Variants in AFG2A observed in about 807,000 individuals in gnomAD.
AFG2A encodes ATPase family gene 2 protein homolog A.
At chr4:123,299,357 A>G in the AFG2A span, among the ~76,000 whole-genome samples, 2 of 152,200 alleles carry the variant, frequency 1.3e-5, no homozygotes, top group East Asian at 1.9e-4. Flanking sequence ...CCAGCATGCT[A>G]AAATGGAGAT....
At chr4:123,013,291 AGATGTATATATAG>A in the AFG2A span, among the ~76,000 whole-genome samples, 2 of 152,168 alleles carry the variant, frequency 1.3e-5, no homozygotes, top group African/African-American at 4.8e-5. Flanking sequence ...CAGGCCATCT[AGATGTATATATAG>A]GTGCAGGTCA....
chr4:123,099,837 TG>T, the AFG2A span, among the ~76,000 whole-genome samples: 1 of 151,852 alleles, frequency 6.6e-6, no homozygotes, highest in Non-Finnish European at 1.5e-5. Context: ...AAAGTTCCAT[TG>T]GTTATTAGCT....
chr4:122,982,187 T>G, the AFG2A span, among the ~76,000 whole-genome samples: 1 of 152,284 alleles, frequency 6.6e-6, no homozygotes, highest in Non-Finnish European at 1.5e-5. Context: ...TCTAATGTAT[T>G]GAGAGTTTTT....
the AFG2A span, among the ~76,000 whole-genome samples, chr4:123,163,563 T>C: frequency 1.1e-4 from 17 of 152,338 alleles, no homozygotes; most frequent in East Asian, 3.1e-3. Flanking sequence ...AACCTCAGTG[T>C]TAATTTCATT....
the AFG2A span, among the ~76,000 whole-genome samples, chr4:123,244,594 A>T: frequency 6.6e-6 from 1 of 152,258 alleles, no homozygotes; most frequent in Non-Finnish European, 1.5e-5. Context: ...TTTAAGAATG[A>T]TGGAGAGGGA....
At chr4:123,269,062 C>T in the AFG2A span, among the ~76,000 whole-genome samples, 1 of 152,148 alleles carries the variant, frequency 6.6e-6, no homozygotes, top group Non-Finnish European at 1.5e-5. Context: ...TTCTTTTCAC[C>T]TCTTTATTCC....
the AFG2A span, among the ~76,000 whole-genome samples, chr4:123,219,523 A>G: frequency 6.6e-6 from 1 of 152,308 alleles, no homozygotes. Flanking sequence ...CATTCCCCAT[A>G]TTAGTACTTA....
At chr4:122,945,277 G>T in the AFG2A span, among the ~76,000 whole-genome samples, 36 of 152,240 alleles carry the variant, frequency 2.4e-4, no homozygotes, top group Non-Finnish European at 1.5e-5. Flanking sequence ...TCCTTGAGCT[G>T]TGGTGGGCTC....
chr4:123,098,006 C>T, the AFG2A span, among the ~76,000 whole-genome samples: 3 of 152,044 alleles, frequency 2.0e-5, no homozygotes, highest in Non-Finnish European at 2.9e-5. Context: ...TATTAGAACA[C>T]ATCCACACTA....
the AFG2A span, among the ~76,000 whole-genome samples, chr4:122,924,044 T>A: frequency 6.6e-6 from 1 of 152,344 alleles, no homozygotes; most frequent in Non-Finnish European, 1.5e-5. Context: ...GTGTAATAGC[T>A]TTGAAAAATG....
the AFG2A span, chr4:122,933,503 A>G: frequency 6.2e-7 from 1 of 1,607,552 alleles, no homozygotes; most frequent in Non-Finnish European, 8.5e-7. Flanking sequence ...ACTAGGTGAG[A>G]CAAATATTTT....
chr4:123,028,789 C>T, the AFG2A span, among the ~76,000 whole-genome samples: 1 of 152,136 alleles, frequency 6.6e-6, no homozygotes, highest in African/African-American at 2.4e-5. Context: ...GAACAAGACA[C>T]TTGTTATGGT....
At chr4:123,057,914 G>A in the AFG2A span, among the ~76,000 whole-genome samples, 2 of 152,084 alleles carry the variant, frequency 1.3e-5, no homozygotes, top group Admixed American at 6.5e-5. Context: ...TTCATGTTGG[G>A]TAATGTAAAT....
At chr4:123,089,845 C>T in the AFG2A span, among the ~76,000 whole-genome samples, 1 of 152,134 alleles carries the variant, frequency 6.6e-6, no homozygotes, top group African/African-American at 2.4e-5. Flanking sequence ...GCCTCGGCCT[C>T]CCAAAGGTTT....
the AFG2A span, among the ~76,000 whole-genome samples, chr4:123,120,996 C>T: frequency 6.6e-6 from 1 of 152,042 alleles, no homozygotes; most frequent in Non-Finnish European, 1.5e-5. Context: ...CATATTATTG[C>T]CCTTGAATAC....
chr4:123,000,423 A>G, the AFG2A span, among the ~76,000 whole-genome samples: 3 of 152,008 alleles, frequency 2.0e-5, no homozygotes, highest in Admixed American at 2.0e-4. Context: ...TCCATTCAGT[A>G]TGATACTGGC....
the AFG2A span, among the ~76,000 whole-genome samples, chr4:123,206,617 A>C: frequency 6.6e-6 from 1 of 152,202 alleles, no homozygotes; most frequent in Non-Finnish European, 1.5e-5. Flanking sequence ...AAACTGGAAA[A>C]GCATCAAGGA....
chr4:123,308,448 G>A, the AFG2A span, among the ~76,000 whole-genome samples: 1 of 152,170 alleles, frequency 6.6e-6, no homozygotes. Context: ...GTGGGCAAGT[G>A]AGCATTACCA....
the AFG2A span, among the ~76,000 whole-genome samples, chr4:122,944,492 C>T: frequency 1.3e-5 from 2 of 152,222 alleles, no homozygotes; most frequent in African/African-American, 4.8e-5. Flanking sequence ...TCCATCAGCT[C>T]CTTTAAGCAC....
Sources: allele counts gnomAD v4.1 joint callset (sites outside exome capture counted in the v4.1 genomes callset), GRCh38; gene constraint gnomAD v4.1.1; transcripts MANE v1.5; gene names NCBI Gene and HGNC (gene_info 2026-07-23, HGNC 2026-07-21).